The following DLG2 variants were observed in gnomAD, a reference collection of about 807,000 sequenced individuals.
DLG2 encodes discs large MAGUK scaffold protein 2.
DLG2 carries 45 observed loss-of-function variants against 132.5 expected under a neutral mutation model. The ratio of observed to expected loss-of-function variants is 0.34; its 90% CI spans 0.27 to 0.44. The LOEUF is 0.44. Among genes scored for constraint, DLG2 ranks in the 20% least tolerant of loss-of-function variants. DLG2 has a pLI of 1.00. For synonymous variants in DLG2, 424 were observed against 419.6 expected (o/e 1.01, Z -0.13); for missense variants, 1,045 against 1,196.9 (o/e 0.87, Z 1.87).
chr11:84,064,764 T>C (rs944316620), intron 10 of DLG2, among the ~76,000 whole-genome samples: 2 of 152,166 alleles, frequency 1.3e-5, no homozygotes, highest in African/African-American at 4.8e-5. Flanking sequence ...AAAGTGTTTT[T>C]AAAATTTTGT....
chr11:84,563,025 T>A (rs2099433339), intron 6 of DLG2, among the ~76,000 whole-genome samples: 1 of 152,228 alleles, frequency 6.6e-6, no homozygotes, highest in Admixed American at 6.5e-5. Context: ...ATGCTGTGAT[T>A]ACCAACTTTT....
intron 10 of DLG2, among the ~76,000 whole-genome samples, chr11:84,091,347 C>T (rs1289349930): frequency 6.6e-6 from 1 of 152,210 alleles, no homozygotes; most frequent in Non-Finnish European, 1.5e-5. Flanking sequence ...ATTCACATCT[C>T]CAGCCAGTAG....
chr11:83,814,172 C>T (rs1263878633), intron 17 of DLG2, among the ~76,000 whole-genome samples: 2 of 152,000 alleles, frequency 1.3e-5, no homozygotes, highest in Non-Finnish European at 2.9e-5. Flanking sequence ...TTCTTTTGGA[C>T]CAAATGGCAA....
chr11:84,161,270 G>A (rs2154260760), intron 9 of DLG2, among the ~76,000 whole-genome samples: 1 of 152,238 alleles, frequency 6.6e-6, no homozygotes, highest in Middle Eastern at 3.4e-3. Flanking sequence ...TACATGCTAG[G>A]TGGGGAGGGA....
At chr11:84,079,762 G>GCT (rs2096878209) in intron 10 of DLG2, among the ~76,000 whole-genome samples, 1 of 151,992 alleles carries the variant, frequency 6.6e-6, no homozygotes, top group African/African-American at 2.4e-5. Context: ...AGCACCCAAG[G>GCT]CTCTCTCTCC....
intron 7 of DLG2, among the ~76,000 whole-genome samples, chr11:84,450,072 T>A (rs2099047192): frequency 6.6e-6 from 1 of 151,878 alleles, no homozygotes. Flanking sequence ...TAATATCAAA[T>A]TCCTTTCACA....
chr11:85,037,125 A>G lies in DLG2; in HGVS notation c.357+74536T>C, dbSNP rs148272708. 4.4e-3 allele frequency among the ~76,000 whole-genome samples: 671 copies of G among 152,286 alleles called. 20 individuals carry two copies. Among genetic ancestry groups the G allele is most frequent in the Admixed American group, 0.039 (602 of 15,288 alleles). ...GAAAAGATTTGTGGTACAATCCATC[A>G]ACTCACCTGAGCAATAGTTTTACTA... On this transcript the variant is annotated intron_variant, in intron 6 of 27. Transcript: ENST00000376104.
At chr11:84,134,463 G>C (rs1000166239) in intron 9 of DLG2, among the ~76,000 whole-genome samples, 1 of 151,910 alleles carries the variant, frequency 6.6e-6, no homozygotes, top group Non-Finnish European at 1.5e-5. Context: ...GTTATTTCAG[G>C]GCTTGACAAT....
intron 14 of DLG2, among the ~76,000 whole-genome samples, chr11:83,951,908 C>T (rs973157477): frequency 6.6e-6 from 1 of 152,040 alleles, no homozygotes; most frequent in African/African-American, 2.4e-5. Flanking sequence ...GAATGTGGCA[C>T]ATTGTGGATG....
intron 6 of DLG2, among the ~76,000 whole-genome samples, chr11:84,670,717 G>C (rs1222225379): frequency 6.6e-6 from 1 of 152,092 alleles, no homozygotes; most frequent in Non-Finnish European, 1.5e-5. Context: ...GTCACACAAT[G>C]ACTGAGTGGG....
At chr11:83,527,657 T>C (rs111851842) in intron 21 of DLG2, among the ~76,000 whole-genome samples, 3,792 of 152,248 alleles carry the variant, frequency 0.025, 187 homozygotes, top group African/African-American at 0.088. Flanking sequence ...AGCCCAAGGA[T>C]AAATAGGATG....
intron 6 of DLG2, among the ~76,000 whole-genome samples, chr11:85,023,691 A>G (rs1194768582): frequency 6.6e-6 from 1 of 152,094 alleles, no homozygotes; most frequent in Non-Finnish European, 1.5e-5. Flanking sequence ...TCTATGTACT[A>G]TATCTCGATA....
At chr11:84,993,354 T>C (rs530845491) in intron 6 of DLG2, among the ~76,000 whole-genome samples, 1 of 152,050 alleles carries the variant, frequency 6.6e-6, no homozygotes, top group Non-Finnish European at 1.5e-5. Context: ...GGTGCTGGGG[T>C]TCAATCAGGC....
At chr11:85,123,299 A>C (rs950586196) in intron 5 of DLG2, among the ~76,000 whole-genome samples, 3 of 151,974 alleles carry the variant, frequency 2.0e-5, no homozygotes, top group African/African-American at 7.2e-5. Context: ...TTTTAAGGGA[A>C]GGTTCAAGTT....
chr11:84,820,777 C>G (rs563864525), intron 6 of DLG2, among the ~76,000 whole-genome samples: 46 of 150,386 alleles, frequency 3.1e-4, no homozygotes, highest in Middle Eastern at 3.4e-3. Context: ...AGGAATTATT[C>G]TTTTCCTTAT....
intron 11 of DLG2, among the ~76,000 whole-genome samples, chr11:83,991,093 A>C (rs1175174314): frequency 1.3e-5 from 2 of 152,198 alleles, no homozygotes; most frequent in Non-Finnish European, 2.9e-5. Context: ...TACCAAAAAA[A>C]AGTATGTTTT....
chr11:83,810,420 T>C (rs1338295242), intron 17 of DLG2, among the ~76,000 whole-genome samples: 1 of 152,124 alleles, frequency 6.6e-6, no homozygotes, highest in Non-Finnish European at 1.5e-5. Flanking sequence ...TAATTATTGA[T>C]GAGTAGATAA....
chr11:84,495,000 A>G (rs1019752049), intron 7 of DLG2, among the ~76,000 whole-genome samples: 2 of 152,152 alleles, frequency 1.3e-5, no homozygotes, highest in Non-Finnish European at 2.9e-5. Context: ...AATGACATAG[A>G]GACAGAAGCA....
intron 18 of DLG2, among the ~76,000 whole-genome samples, chr11:83,638,674 A>G (rs2153474041): frequency 6.6e-6 from 1 of 152,288 alleles, no homozygotes; most frequent in South Asian, 2.1e-4. Flanking sequence ...TCAAATAGGA[A>G]TGAGCCACAG....
Sources: gnomAD v4.1 joint callset for allele counts (sites outside exome capture counted in the v4.1 genomes callset) on GRCh38, gnomAD v4.1.1 for gene constraint, MANE v1.5 for transcripts, NCBI Gene and HGNC (gene_info 2026-07-23, HGNC 2026-07-21) for gene names.